MAP4K4: variants seen among roughly 807,000 people sequenced by gnomAD.
MAP4K4 encodes mitogen-activated protein kinase kinase kinase kinase 4.
A neutral mutation model predicts 189.6 loss-of-function variants in MAP4K4; 38 were observed. That is an observed-to-expected ratio of 0.20 (90% CI 0.15 to 0.26). The LOEUF (loss-of-function observed/expected upper bound fraction) is 0.26. MAP4K4 is among the 10% of genes least tolerant of loss of function. MAP4K4 has a pLI of 1.00. For missense variants in MAP4K4, 1,054 were observed against 1,726.9 expected (o/e 0.61, Z 6.91); for synonymous variants, 610 against 624.3 (o/e 0.98, Z 0.34).
chr2:101,859,880 T>C lies in MAP4K4; in HGVS notation c.1704+16T>C, dbSNP rs1404144582. The stretch of plus-strand genomic sequence containing the variant: ...AGCGCGAGAGGTATCCTCTTTCCTT[T>C]GTCACTTAGACATTGCCCTGGAAAG... On this transcript the variant is annotated intron_variant, in intron 15 of 32. Coordinates refer to ENST00000324219, the Ensembl canonical transcript of MAP4K4. The C allele has an allele frequency of 6.3e-7, 1 of 1,581,980 alleles. No homozygotes were observed. Among genetic ancestry groups the C allele is most frequent in the South Asian group, 1.2e-5 (1 of 86,212 alleles).
chr2:101,831,875 C>G lies in MAP4K4; in HGVS notation c.639+24C>G, dbSNP rs962220308. The G allele has an allele frequency of 2.5e-6, 4 of 1,610,540 alleles. No individual in the cohort carries two copies. The Admixed American group carries it at 5.0e-5, about 20-fold the overall frequency. Reference sequence around the variant, plus strand: ...GAGTAAGAGGCACCTGCTCCGTAGGCCTTTGCAGGGCCACTGGCATACCCG... The same window carrying G: ...GAGTAAGAGGCACCTGCTCCGTAGGGCTTTGCAGGGCCACTGGCATACCCG... On this transcript the variant is annotated intron_variant, in intron 7 of 32. Coordinates refer to ENST00000324219, the Ensembl canonical transcript of MAP4K4.
chr2:101,756,942 C>A (rs934247609), intron 2 of MAP4K4, among the ~76,000 whole-genome samples: 1 of 152,056 alleles, frequency 6.6e-6, no homozygotes, highest in African/African-American at 2.4e-5. Flanking sequence ...AAGGTTTCAC[C>A]TGAGTATTTA....
In MAP4K4 at chr2:101,801,332, G is replaced by A. The variant is rs576238030; in HGVS notation, c.180+10556G>A. Among the ~76,000 whole-genome samples the A allele has an allele frequency of 2.0e-5, 3 of 152,262 alleles. No homozygotes were observed. The East Asian group carries it at 5.8e-4, about 29-fold the overall frequency. The stretch of plus-strand genomic sequence containing the variant: ...AGGATCCAGAGCAAATTCAGCAAGA[G>A]AACAGGCATGTAGAAGGAAGTCTGA... On this transcript the variant is annotated intron_variant, in intron 3 of 32. Transcript: ENST00000324219.
At chr2:101,882,779 A>T in intron 28 of MAP4K4, 94 bp downstream of exon 28, 1 of 1,236,028 alleles carries the variant, frequency 8.1e-7, no homozygotes, top group Non-Finnish European at 1.1e-6. Context: ...TGAAGTTTGT[A>T]ATAATAAACT....
chr2:101,776,578 CCA>C lies in MAP4K4; in HGVS notation c.124-14140_124-14139del, dbSNP rs1434171693. ...AGACAAAAAATGCACCCCCACCCCC[CCA>C]CCCCCCCAAAAAAAAACACTATGGA... On this transcript the variant is annotated intron_variant, in intron 2 of 32. Transcript: ENST00000324219. Among the ~76,000 whole-genome samples the C allele has an allele frequency of 2.8e-4, 26 of 94,494 alleles. 1 individual carries two copies. The highest frequency in any genetic ancestry group is 3.2e-4 in the Non-Finnish European group (15 of 47,480). The allele number at this position is 94,494 out of a possible 152,430, so 62.0% of individuals were successfully genotyped here.
intron 2 of MAP4K4, among the ~76,000 whole-genome samples, chr2:101,750,971 CTGTTTT>C (rs2068602219): frequency 6.6e-6 from 1 of 152,156 alleles, no homozygotes; most frequent in African/African-American, 2.4e-5. Flanking sequence ...TCACTTCCTT[CTGTTTT>C]GAATTTGGGG....
intron 3 of MAP4K4, among the ~76,000 whole-genome samples, chr2:101,808,372 G>T (rs1445472135): frequency 6.6e-6 from 1 of 152,172 alleles, no homozygotes; most frequent in East Asian, 1.9e-4. Context: ...AAGAATTCAT[G>T]GATTCTTGCT....
intron 2 of MAP4K4, among the ~76,000 whole-genome samples, chr2:101,751,412 G>C (rs1403649090): frequency 6.6e-6 from 1 of 152,162 alleles, no homozygotes; most frequent in East Asian, 1.9e-4. Context: ...TCAAGTCCCA[G>C]CTTGTGGTTG....
chr2:101,851,877 A>G (rs2097298465), intron 12 of MAP4K4, among the ~76,000 whole-genome samples: 1 of 151,442 alleles, frequency 6.6e-6, no homozygotes, highest in Non-Finnish European at 1.5e-5. Context: ...TATGTGACTC[A>G]CCTAACCTGC....
At chr2:101,698,342 G>T in intron 1 of MAP4K4, 131 bp from the exon 2 acceptor site, 1 of 826,406 alleles carries the variant, frequency 1.2e-6, no homozygotes. Flanking sequence ...CGCGACCCCC[G>T]GGCGCTGGGG....
chr2:101,719,150 A>G (rs944968793), intron 2 of MAP4K4, among the ~76,000 whole-genome samples: 19 of 152,320 alleles, frequency 1.2e-4, no homozygotes, highest in Admixed American at 1.2e-3. Context: ...TTTGTGGCCT[A>G]GTCAGAGCTA....
chr2:101,834,490 T>G, intron 8 of MAP4K4, 27 bp downstream of exon 8: 1 of 1,582,744 alleles, frequency 6.3e-7, no homozygotes, highest in South Asian at 1.1e-5. Flanking sequence ...TCTTTTTAGC[T>G]CACTTGTTAC....
At chr2:101,717,162 G>C (rs1415250599) in intron 2 of MAP4K4, among the ~76,000 whole-genome samples, 1 of 152,100 alleles carries the variant, frequency 6.6e-6, no homozygotes, top group Non-Finnish European at 1.5e-5. Context: ...CTTAATTCAT[G>C]GATGGCAACA....
At chr2:101,698,835 TTTC>T (rs1167185844) in intron 2 of MAP4K4, among the ~76,000 whole-genome samples, 5 of 152,208 alleles carry the variant, frequency 3.3e-5, no homozygotes, top group Non-Finnish European at 7.3e-5. Flanking sequence ...ACCTGAATTT[TTTC>T]TTTTTTTCCC....
rs548166226 is a variant in MAP4K4 at position 101,800,022 on chromosome 2, A to G, written c.180+9246A>G. 1.3e-3 allele frequency among the ~76,000 whole-genome samples: 191 copies of G among 152,188 alleles called. 1 individual carries two copies. The highest frequency in any genetic ancestry group is 4.5e-3 in the African/African-American group (187 of 41,520). On this transcript the variant is annotated intron_variant, in intron 3 of 32. Coordinates refer to ENST00000324219, the Ensembl canonical transcript of MAP4K4. ...GGATTATCTCAGCCCTTCTAGGTTC[A>G]TGACAGCACCCTTCATTCACGTGGG... is the stretch of plus-strand genomic sequence containing the variant.
chr2:101,755,929 CTTTTTTTT>C (rs57392183), intron 2 of MAP4K4, among the ~76,000 whole-genome samples: 28 of 57,792 alleles, frequency 4.8e-4, no homozygotes, highest in South Asian at 2.3e-3. Context: ...AGTTCTTTTT[CTTTTTTTT>C]TTTTTTTTTT....
intron 26 of MAP4K4, among the ~76,000 whole-genome samples, chr2:101,875,291 A>G (rs2098167273): frequency 6.6e-6 from 1 of 152,230 alleles, no homozygotes; most frequent in Non-Finnish European, 1.5e-5. Flanking sequence ...CAAGAATAAA[A>G]TTATATGAAA....
intron 2 of MAP4K4, among the ~76,000 whole-genome samples, chr2:101,720,983 C>T (rs1574212126): frequency 6.6e-6 from 1 of 152,130 alleles, no homozygotes; most frequent in Non-Finnish European, 1.5e-5. Context: ...AAAATTTTGT[C>T]CTTTCAAAGC....
chr2:101,738,280 A>G (rs1012359793), intron 2 of MAP4K4, among the ~76,000 whole-genome samples: 1 of 152,218 alleles, frequency 6.6e-6, no homozygotes, highest in African/African-American at 2.4e-5. Flanking sequence ...AAAAGAAGTT[A>G]GGTAAACAGC....
Sources: allele counts gnomAD v4.1 joint callset (sites outside exome capture counted in the v4.1 genomes callset), GRCh38; gene constraint gnomAD v4.1.1; transcripts MANE v1.5; gene names NCBI Gene and HGNC (gene_info 2026-07-23, HGNC 2026-07-21).